Variants in PDLIM5 observed in about 807,000 individuals in gnomAD.
PDLIM5 encodes the protein PDZ and LIM domain 5.
A neutral mutation model predicts 64.2 loss-of-function variants in PDLIM5; 34 were observed. The ratio of observed to expected loss-of-function variants is 0.53; its 90% CI spans 0.40 to 0.71. The LOEUF (loss-of-function observed/expected upper bound fraction) is 0.71. Ranked by LOEUF, PDLIM5 falls within the 30% of genes least tolerant of loss-of-function variation. The pLI, the probability that PDLIM5 is intolerant of heterozygous loss-of-function variation, is 0.00. For synonymous variants in PDLIM5, 253 were observed against 269.1 expected, an observed-to-expected ratio of 0.94 and a Z score of 0.59; for missense variants, 683 against 733.6, an observed-to-expected ratio of 0.93 and a Z score of 0.80.
intron 2 of PDLIM5, among the ~76,000 whole-genome samples, chr4:94,513,139 T>C (rs1729045392): frequency 6.6e-6 from 1 of 152,210 alleles, no homozygotes; most frequent in Non-Finnish European, 1.5e-5. Flanking sequence ...TATAACCCTG[T>C]AGTGTAATTT....
intron 7 of PDLIM5, among the ~76,000 whole-genome samples, chr4:94,616,746 A>T (rs1268508477): frequency 6.6e-6 from 1 of 152,246 alleles, no homozygotes; most frequent in African/African-American, 2.4e-5. Context: ...ATAAAAGCTG[A>T]TGGCTCTATG....
At chr4:94,562,148 A>G (rs571879546) in intron 3 of PDLIM5, among the ~76,000 whole-genome samples, 8 of 152,190 alleles carry the variant, frequency 5.3e-5, no homozygotes, top group East Asian at 1.9e-4. Flanking sequence ...TGTGACCCCT[A>G]TTAACCAGTC....
chr4:94,463,980 A>G (rs575387316), intron 2 of PDLIM5, among the ~76,000 whole-genome samples: 1 of 152,244 alleles, frequency 6.6e-6, no homozygotes, highest in East Asian at 1.9e-4. Context: ...CAAGGTAGTT[A>G]CTCATTTTAG....
At chr4:94,485,849 C>A (rs75935026) in intron 2 of PDLIM5, among the ~76,000 whole-genome samples, 1,489 of 99,132 alleles carry the variant, frequency 0.015, no homozygotes, top group South Asian at 0.023. Flanking sequence ...GACTCCGTCT[C>A]AAAAAAAAAA....
chr4:94,468,758 A>G (rs1724592506), intron 2 of PDLIM5, among the ~76,000 whole-genome samples: 1 of 152,216 alleles, frequency 6.6e-6, no homozygotes, highest in Admixed American at 6.5e-5. Flanking sequence ...TTTTAGGAGA[A>G]GTGGGTAAAT....
chr4:94,574,225 C>T (rs562769110), intron 4 of PDLIM5, among the ~76,000 whole-genome samples: 2 of 152,182 alleles, frequency 1.3e-5, no homozygotes, highest in East Asian at 1.9e-4. Context: ...AGGCTGCGCG[C>T]GGTGGGTCAC....
At chr4:94,480,876 G>GT (rs1167556934) in intron 2 of PDLIM5, among the ~76,000 whole-genome samples, 2 of 152,138 alleles carry the variant, frequency 1.3e-5, no homozygotes, top group African/African-American at 4.8e-5. Context: ...AAAACTGATC[G>GT]TATTAGTCCT....
chr4:94,640,483 C>CT, intron 9 of PDLIM5, 33 bp downstream of exon 9: 1 of 1,143,686 alleles, frequency 8.7e-7, no homozygotes, highest in Non-Finnish European at 1.2e-6. Flanking sequence ...CTTGAAAGTA[C>CT]TTAATATCAA....
At chr4:94,597,517 A>T (rs1278285496) in intron 7 of PDLIM5, among the ~76,000 whole-genome samples, 1 of 152,134 alleles carries the variant, frequency 6.6e-6, no homozygotes, top group Non-Finnish European at 1.5e-5. Flanking sequence ...GAAACTAATA[A>T]ATGCTCTGTG....
Position 94,618,071 on chromosome 4 carries a change from C to T in PDLIM5, c.988C>T (p.Leu330=). ...TTCCACACGGAGCATGCCCGAGAGC[C>T]TGGACAGCCCAACCTCTGGCAGACC... The part of the protein sequence containing the change: ...VASTRSMPES[L]DSPTSGRPGV... The change falls in exon 8 of 13, where the codon CTG becomes TTG. Residue 330 remains leucine, a synonymous_variant. Coordinates refer to ENST00000317968, the MANE Select transcript of PDLIM5 (RefSeq NM_006457.5). The T allele has an allele frequency of 6.2e-7, 1 of 1,611,888 alleles. No homozygotes were observed. Among genetic ancestry groups the T allele is most frequent in the Non-Finnish European group, 8.5e-7 (1 of 1,178,950 alleles).
intron 8 of PDLIM5, among the ~76,000 whole-genome samples, chr4:94,621,439 T>G (rs1488241024): frequency 6.6e-6 from 1 of 152,234 alleles, no homozygotes; most frequent in East Asian, 1.9e-4. Context: ...AAAGTAATTT[T>G]CAGAAAAATG....
intron 8 of PDLIM5, among the ~76,000 whole-genome samples, chr4:94,632,060 C>T (rs796394408): frequency 6.6e-6 from 1 of 152,152 alleles, no homozygotes; most frequent in African/African-American, 2.4e-5. Context: ...TAGCGTAGCG[C>T]CTGCCGCATT....
At chr4:94,662,614 G>A (rs1742827104) in intron 12 of PDLIM5, 77 bp downstream of exon 12, 1 of 623,598 alleles carries the variant, frequency 1.6e-6, no homozygotes. Flanking sequence ...GGAAATATCA[G>A]CTTCTGGGTC....
intron 8 of PDLIM5, among the ~76,000 whole-genome samples, chr4:94,638,853 C>A (rs938422760): frequency 6.6e-6 from 1 of 152,180 alleles, no homozygotes; most frequent in Non-Finnish European, 1.5e-5. Flanking sequence ...TCTCTCCAGA[C>A]ACTGTTAAGT....
At chr4:94,530,071 A>G (rs923249847) in intron 3 of PDLIM5, among the ~76,000 whole-genome samples, 1 of 152,220 alleles carries the variant, frequency 6.6e-6, no homozygotes, top group African/African-American at 2.4e-5. Flanking sequence ...TTCAGTAGTT[A>G]GCTACATAGT....
intron 2 of PDLIM5, among the ~76,000 whole-genome samples, chr4:94,500,152 G>C (rs1156529164): frequency 1.3e-5 from 2 of 152,072 alleles, no homozygotes; most frequent in African/African-American, 4.8e-5. Context: ...TTAGACAGAC[G>C]CTTTTAATGT....
chr4:94,579,518 C>T, intron 5 of PDLIM5: 1 of 1,364,290 alleles, frequency 7.3e-7, no homozygotes, highest in Admixed American at 2.0e-5. Flanking sequence ...TTTCTCTTTG[C>T]AGAAAACACA....
At chr4:94,611,953 C>A (rs1738398629) in intron 7 of PDLIM5, among the ~76,000 whole-genome samples, 1 of 152,182 alleles carries the variant, frequency 6.6e-6, no homozygotes, top group Non-Finnish European at 1.5e-5. Context: ...TGCAGTGGCT[C>A]ACACCTGTAA....
At chr4:94,592,217 C>T (rs967347780) in intron 7 of PDLIM5, among the ~76,000 whole-genome samples, 1 of 152,132 alleles carries the variant, frequency 6.6e-6, no homozygotes, top group Non-Finnish European at 1.5e-5. Context: ...AAATGAGAAG[C>T]TTCAAAATGG....
Sources: gnomAD v4.1 joint callset for allele counts (sites outside exome capture counted in the v4.1 genomes callset) on GRCh38, gnomAD v4.1.1 for gene constraint, MANE v1.5 for transcripts, NCBI Gene and HGNC (gene_info 2026-07-23, HGNC 2026-07-21) for gene names.